PCDHA4: variants seen among roughly 807,000 people sequenced by gnomAD.
The protein encoded by PCDHA4 is protocadherin alpha 4.
PCDHA4 carries 49 observed loss-of-function variants against 61.4 expected under a neutral mutation model. That is an observed-to-expected ratio of 0.80 (90% CI 0.63 to 1.01). The LOEUF (loss-of-function observed/expected upper bound fraction) is 1.01, where lower values mean the gene tolerates loss of function less well. PCDHA4 is among the 50% of genes least tolerant of loss of function. The pLI, the probability that PCDHA4 is intolerant of heterozygous loss-of-function variation, is 0.00. For missense variants in PCDHA4, 1,254 were observed against 1,235.8 expected, an observed-to-expected ratio of 1.01 and a Z score of -0.22; for synonymous variants, 590 against 550.3, an observed-to-expected ratio of 1.07 and a Z score of -1.01.
At chr5:140,830,591 CA>C (rs1263490069) in intron 1 of PCDHA4, 1 of 718,270 alleles carries the variant, frequency 1.4e-6, no homozygotes, top group Non-Finnish European at 2.0e-6. Flanking sequence ...ATTAATTTTA[CA>C]AAATTACATA....
chr5:140,822,547 A>G lies in PCDHA4; in HGVS notation c.2385+12975A>G, dbSNP rs2150117174. 1.1e-3 allele frequency: 1,829 copies of G among 1,613,676 alleles called. 13 individuals carry two copies. In the African/African-American group the frequency reaches 0.022, roughly 19 times the overall value. On this transcript the variant is annotated intron_variant, in intron 1 of 3. Coordinates refer to ENST00000530339, the MANE Select transcript of PCDHA4 (RefSeq NM_018907.4). ...ATTGTTGGAAAATGCACCAAGTGGGACATTAGTTATTAAACTGAACGCCTC... is the reference window on the plus strand; with the variant it reads ...ATTGTTGGAAAATGCACCAAGTGGGGCATTAGTTATTAAACTGAACGCCTC...
intron 1 of PCDHA4, chr5:140,842,566 CGAGAGA>C: frequency 6.7e-7 from 1 of 1,503,446 alleles, no homozygotes; most frequent in Non-Finnish European, 9.0e-7. Flanking sequence ...CCCTGGACCG[CGAGAGA>C]GTGTCGGCCT....
At chr5:140,998,300 G>C (rs1287043977) in intron 3 of PCDHA4, among the ~76,000 whole-genome samples, 1 of 152,194 alleles carries the variant, frequency 6.6e-6, no homozygotes, top group Non-Finnish European at 1.5e-5. Context: ...CACACATTTA[G>C]TAAGGGCACC....
chr5:140,978,890 A>G (rs2096827624), intron 1 of PCDHA4, 59 bp from the exon 2 acceptor site: 1 of 1,612,616 alleles, frequency 6.2e-7, no homozygotes. Context: ...AATTAGCAGC[A>G]TTCCTGGGAG....
chr5:140,966,538 C>T, intron 1 of PCDHA4: 2 of 463,262 alleles, frequency 4.3e-6, no homozygotes, highest in South Asian at 1.1e-4. Flanking sequence ...GGTTGAGCGA[C>T]TCGGAGGCGA....
intron 1 of PCDHA4, chr5:140,852,590 T>A (rs2042399836): frequency 1.1e-6 from 1 of 893,664 alleles, no homozygotes; most frequent in African/African-American, 1.8e-5. Context: ...TTATTTTTTT[T>A]TTTTGTCATT....
chr5:140,808,640 CA>C lies in PCDHA4; in HGVS notation c.1454del (p.Gln485ArgfsTer11). Reference sequence around the variant, plus strand: ...TGTGTCTGCGTGGGACGCGGACGCGCAGGAGAACGCGCTGGTGTCCTACTCG... The same window carrying C: ...TGTGTCTGCGTGGGACGCGGACGCGCGGAGAACGCGCTGGTGTCCTACTCG... ...FTVSAWDADAQENALVSYSLV... is the reference protein window; with the variant it reads ...FTVSAWDADAXENALVSYSLV... On this transcript the variant is annotated frameshift_variant, in exon 1 of 4. Coordinates refer to ENST00000530339, the MANE Select transcript of PCDHA4 (RefSeq NM_018907.4). LOFTEE classifies it high-confidence loss of function. 3 of 1,613,456 alleles carry C rather than the reference CA, an allele frequency of 1.9e-6. No individual in the cohort carries two copies. Among genetic ancestry groups the C allele is most frequent in the Non-Finnish European group, 2.5e-6 (3 of 1,179,880 alleles).
intron 1 of PCDHA4, chr5:140,870,411 C>T: frequency 6.2e-7 from 1 of 1,614,212 alleles, no homozygotes; most frequent in East Asian, 2.2e-5. Context: ...CTCTGTGGGC[C>T]ACGGCCAGGG....
At position 141,009,698 on chromosome 5, in the gene PCDHA4, G is replaced by A. The variant is rs900919931; in HGVS notation, c.2605G>A (p.Gly869Arg). The part of the protein sequence containing the change: ...VNSNSWTFKY[G>R]PGNPKQSGPG... Reference sequence around the variant, plus strand: ...CAGCAACAGCTGGACCTTTAAATACGGACCAGGCAACCCCAAACAATCCGG... The same window carrying A: ...CAGCAACAGCTGGACCTTTAAATACAGACCAGGCAACCCCAAACAATCCGG... The change falls in exon 4 of 4, where the codon GGA (glycine) becomes AGA (arginine). Residue 869 changes from glycine (G) to arginine (R), a missense_variant. Physicochemically the swap from Gly to Arg is moderately radical, Grantham distance 125. Transcript: ENST00000530339. The A allele has an allele frequency of 1.9e-6, 3 of 1,614,030 alleles. No homozygotes were observed. The highest frequency in any genetic ancestry group is 1.1e-5 in the South Asian group (1 of 91,066).
rs185057371 is a variant in PCDHA4, at chr5:140,832,952, A to T, written c.2385+23380A>T. Among the ~76,000 whole-genome samples, 141 of 152,318 alleles carry T rather than the reference A, an allele frequency of 9.3e-4. 1 individual carries two copies. Among genetic ancestry groups the T allele is most frequent in the African/African-American group, 3.3e-3 (136 of 41,588 alleles). Reference sequence around the variant, plus strand: ...TGAGAAGAGAGTAACTTAAGTGAGTATACAGAAAATTCCAAATGTACCTAG... The same window carrying T: ...TGAGAAGAGAGTAACTTAAGTGAGTTTACAGAAAATTCCAAATGTACCTAG... On this transcript the variant is annotated intron_variant, in intron 1 of 3. Coordinates refer to ENST00000530339, the MANE Select transcript of PCDHA4 (RefSeq NM_018907.4).
chr5:140,923,489 A>C (rs549066009), intron 1 of PCDHA4, among the ~76,000 whole-genome samples: 2 of 152,182 alleles, frequency 1.3e-5, no homozygotes, highest in Non-Finnish European at 2.9e-5. Flanking sequence ...TCTTCACACC[A>C]CTGCACTCCA....
At chr5:140,886,638 C>T (rs1282922977) in intron 1 of PCDHA4, among the ~76,000 whole-genome samples, 4 of 151,738 alleles carry the variant, frequency 2.6e-5, no homozygotes, top group South Asian at 2.1e-4. Flanking sequence ...CCAGCCTGGC[C>T]AACATGGTGA....
intron 1 of PCDHA4, chr5:140,851,046 C>A: frequency 7.2e-7 from 1 of 1,389,024 alleles, no homozygotes; most frequent in Non-Finnish European, 9.4e-7. Context: ...TTGGAGCCGA[C>A]TTTGTCTTGA....
In PCDHA4 at chr5:140,882,919, A is replaced by G. The variant is rs781879301; in HGVS notation, c.2385+73347A>G. 7.4e-6 allele frequency: 12 copies of G among 1,614,104 alleles called. No homozygotes were observed. In the East Asian group the frequency reaches 2.7e-4, roughly 36 times the overall value. The stretch of plus-strand genomic sequence containing the variant: ...GTTTATTACTGACAGCCAGTGATGG[A>G]GGTAAACCCGAGCTGACTGGCACAG... On this transcript the variant is annotated intron_variant, in intron 1 of 3. Coordinates refer to ENST00000530339, the MANE Select transcript of PCDHA4 (RefSeq NM_018907.4).
At chr5:140,814,311 A>G (rs1404172900) in intron 1 of PCDHA4, 28 of 152,108 alleles carry the variant, frequency 1.8e-4, no homozygotes, top group African/African-American at 6.8e-4. Flanking sequence ...ATTGTCTTCC[A>G]CCTCCATATC....
At chr5:140,823,596 G>C in intron 1 of PCDHA4, 1 of 1,614,020 alleles carries the variant, frequency 6.2e-7, no homozygotes, top group Non-Finnish European at 8.5e-7. Context: ...CTTGGCTTTC[G>C]TATGAGCTGC....
chr5:140,981,670 C>T (rs1389601276), intron 2 of PCDHA4, among the ~76,000 whole-genome samples: 8 of 152,070 alleles, frequency 5.3e-5, no homozygotes, highest in Non-Finnish European at 1.0e-4. Context: ...TCCTTCCTTT[C>T]TTCCTTCCTC....
chr5:140,967,087 G>T (rs782556858), intron 1 of PCDHA4: 2 of 1,613,138 alleles, frequency 1.2e-6, no homozygotes, highest in East Asian at 4.5e-5. Flanking sequence ...GCATTGATCG[G>T]GAGGCGCTGT....
intron 1 of PCDHA4, chr5:140,856,766 A>C: frequency 1.3e-6 from 2 of 1,596,904 alleles, no homozygotes. Context: ...TAACGCCCCT[A>C]TCTTTGACAG....
Sources: allele counts gnomAD v4.1 joint callset (sites outside exome capture counted in the v4.1 genomes callset), GRCh38; gene constraint gnomAD v4.1.1; transcripts MANE v1.5; gene names NCBI Gene and HGNC (gene_info 2026-07-23, HGNC 2026-07-21).